The following TAFA5 variants were observed in gnomAD, a reference collection of about 807,000 sequenced individuals.
TAFA5 encodes the protein chemokine-like protein TAFA-5.
In TAFA5, 6 loss-of-function variants were observed where a neutral mutation model predicts 15.3. The observed-to-expected ratio is 0.39, with a 90% CI of 0.21 to 0.77. The LOEUF (loss-of-function observed/expected upper bound fraction) is 0.77. Ranked by LOEUF, TAFA5 falls within the 30% of genes least tolerant of loss-of-function variation. The pLI is 0.41. For synonymous variants in TAFA5, 103 were observed against 80.7 expected (o/e 1.28, Z -1.48); for missense variants, 161 against 193.1 (o/e 0.83, Z 0.98).
At chr22:48,702,757 G>A (rs904724176) in intron 2 of TAFA5, among the ~76,000 whole-genome samples, 1 of 152,204 alleles carries the variant, frequency 6.6e-6, no homozygotes, top group African/African-American at 2.4e-5. Context: ...CTCCTCACCC[G>A]AGCCCGGGGA....
At chr22:48,656,860 G>T (rs1253583498) in intron 2 of TAFA5, among the ~76,000 whole-genome samples, 2 of 150,020 alleles carry the variant, frequency 1.3e-5, no homozygotes, top group Non-Finnish European at 3.0e-5. Flanking sequence ...TGCCCTCCCG[G>T]GTTCAAGCAG....
chr22:48,583,651 T>TACACCAC (rs1274507170), intron 1 of TAFA5, among the ~76,000 whole-genome samples: 2 of 131,818 alleles, frequency 1.5e-5, no homozygotes, highest in Non-Finnish European at 3.2e-5. Context: ...ACACACAAAA[T>TACACCAC]ACACCACACA....
At chr22:48,732,260 G>GTTTTGT (rs111792121) in intron 3 of TAFA5, among the ~76,000 whole-genome samples, 100,770 of 150,930 alleles carry the variant, frequency 0.67, 34,533 homozygotes, top group Admixed American at 0.71. Context: ...TTGTTGTTTT[G>GTTTTGT]TTTTTCTGAG....
intron 3 of TAFA5, among the ~76,000 whole-genome samples, chr22:48,736,712 C>T (rs1249706247): frequency 6.6e-6 from 1 of 152,330 alleles, no homozygotes; most frequent in African/African-American, 2.4e-5. Flanking sequence ...GGAAACATGA[C>T]GCCGAGTGAA....
chr22:48,538,071 G>A (rs538984433), intron 1 of TAFA5, among the ~76,000 whole-genome samples: 30 of 152,310 alleles, frequency 2.0e-4, no homozygotes, highest in African/African-American at 6.7e-4. Flanking sequence ...GTTTTAGGCC[G>A]AGTGGCCTGC....
chr22:48,645,784 G>A (rs994898959), intron 1 of TAFA5, among the ~76,000 whole-genome samples: 2 of 152,100 alleles, frequency 1.3e-5, no homozygotes, highest in African/African-American at 2.4e-5. Context: ...CCCCTGGGGA[G>A]CATGTCCTCA....
Position 48,656,737 on chromosome 22 carries a change from TC to T in TAFA5, c.262+9992del, listed in dbSNP as rs71194372. Among the ~76,000 whole-genome samples the T allele has an allele frequency of 2.5e-4, 5 of 20,072 alleles. 1 individual carries two copies. The highest frequency in any genetic ancestry group is 1.1e-3 in the Admixed American group (2 of 1,884). 13.2% of individuals were successfully genotyped at this position (20,072 alleles called of 152,430 possible). On this transcript the variant is annotated intron_variant, in intron 2 of 3. Transcript: ENST00000402357. ...TTTGAGATGGAGTCTCATTTTTTTT[TC>T]TTTTGAGATGGAGTCTCTTTTTTTT...
intron 1 of TAFA5, among the ~76,000 whole-genome samples, chr22:48,526,234 G>A (rs539609416): frequency 3.5e-4 from 54 of 152,306 alleles, no homozygotes; most frequent in Admixed American, 5.2e-4. Context: ...GCCCTCCTCC[G>A]TCTGTGTGTG....
intron 2 of TAFA5, among the ~76,000 whole-genome samples, chr22:48,654,294 C>T (rs1927158740): frequency 6.6e-6 from 1 of 152,216 alleles, no homozygotes; most frequent in South Asian, 2.1e-4. Flanking sequence ...CCACCCTCCC[C>T]TGGGGCTGGG....
intron 3 of TAFA5, among the ~76,000 whole-genome samples, chr22:48,713,710 C>T (rs1929322418): frequency 6.6e-6 from 1 of 152,230 alleles, no homozygotes; most frequent in South Asian, 2.1e-4. Context: ...GAGGAGCCTT[C>T]TGGCTGCACA....
chr22:48,636,745 C>G (rs1406301198), intron 1 of TAFA5, among the ~76,000 whole-genome samples: 4 of 152,214 alleles, frequency 2.6e-5, no homozygotes, highest in Non-Finnish European at 5.9e-5. Flanking sequence ...CTGGAGATGG[C>G]TGGGCCTGAG....
At chr22:48,500,534 T>A (rs897295431) in intron 1 of TAFA5, among the ~76,000 whole-genome samples, 5 of 152,204 alleles carry the variant, frequency 3.3e-5, no homozygotes, top group African/African-American at 1.2e-4. Context: ...GCAGCCCCGA[T>A]GCTGCTGAGG....
intron 1 of TAFA5, among the ~76,000 whole-genome samples, chr22:48,590,634 T>C (rs1193736116): frequency 6.6e-6 from 1 of 151,996 alleles, no homozygotes. Flanking sequence ...CCCAGGACTG[T>C]GACTCTGAGA....
intron 2 of TAFA5, among the ~76,000 whole-genome samples, chr22:48,678,338 G>T (rs1233485599): frequency 6.6e-6 from 1 of 152,196 alleles, no homozygotes; most frequent in Non-Finnish European, 1.5e-5. Context: ...AGTGGTACAG[G>T]CAGCCAGCCG....
chr22:48,622,800 A>C (rs1423181958), intron 1 of TAFA5, among the ~76,000 whole-genome samples: 1 of 152,128 alleles, frequency 6.6e-6, no homozygotes, highest in Non-Finnish European at 1.5e-5. Flanking sequence ...CCTCGCCCTG[A>C]CTCAGTGTGT....
At position 48,631,518 on chromosome 22, in the gene TAFA5, T is replaced by C. The variant is rs549164407; in HGVS notation, c.113-15079T>C. 9.2e-5 allele frequency among the ~76,000 whole-genome samples: 14 copies of C among 152,290 alleles called. No homozygotes were observed. The South Asian group carries it at 2.3e-3, about 25-fold the overall frequency. Reference sequence around the variant, plus strand: ...GCAGCATCCTCACGACTGCTGTGAGTGTCCCCAGGTCTCCAGCTGTGCAGT... The same window carrying C: ...GCAGCATCCTCACGACTGCTGTGAGCGTCCCCAGGTCTCCAGCTGTGCAGT... On this transcript the variant is annotated intron_variant, in intron 1 of 3. Coordinates refer to ENST00000402357, the MANE Select transcript of TAFA5 (RefSeq NM_001082967.3).
intron 2 of TAFA5, among the ~76,000 whole-genome samples, chr22:48,687,535 C>T (rs759386644): frequency 1.3e-4 from 20 of 152,110 alleles, no homozygotes; most frequent in Non-Finnish European, 2.4e-4. Context: ...CTTGATGGAT[C>T]CAGGTCCTAG....
chr22:48,619,897 C>T (rs556044937), intron 1 of TAFA5, among the ~76,000 whole-genome samples: 54 of 152,334 alleles, frequency 3.5e-4, no homozygotes, highest in African/African-American at 1.1e-3. Context: ...GAGCTTCCTG[C>T]GCTCCCTGAA....
At chr22:48,527,739 C>A (rs561548380) in intron 1 of TAFA5, among the ~76,000 whole-genome samples, 62 of 152,314 alleles carry the variant, frequency 4.1e-4, no homozygotes, top group African/African-American at 1.4e-3. Flanking sequence ...TAGCTCAGAC[C>A]CTTCCTGGGT....
Sources: gnomAD v4.1 joint callset for allele counts (sites outside exome capture counted in the v4.1 genomes callset) on GRCh38, gnomAD v4.1.1 for gene constraint, MANE v1.5 for transcripts, NCBI Gene and HGNC (gene_info 2026-07-23, HGNC 2026-07-21) for gene names.